The following ZNF670 variants were observed in gnomAD, a reference collection of about 807,000 sequenced individuals.
The protein encoded by ZNF670 is zinc finger protein 670.
A neutral mutation model predicts 10.9 loss-of-function variants in ZNF670; 7 were observed. The ratio of observed to expected loss-of-function variants is 0.64; its 90% CI spans 0.36 to 1.20. The LOEUF (loss-of-function observed/expected upper bound fraction) is 1.20. Ranked by LOEUF, ZNF670 falls within the 50% of genes most tolerant of loss-of-function variation. The pLI is 0.02. For missense variants in ZNF670, 446 were observed against 458.6 expected, an observed-to-expected ratio of 0.97 and a Z score of 0.25; for synonymous variants, 136 against 152.7, an observed-to-expected ratio of 0.89 and a Z score of 0.81.
At chr1:247,055,551 A>G (rs1270960551) in intron 1 of ZNF670, among the ~76,000 whole-genome samples, 1 of 152,136 alleles carries the variant, frequency 6.6e-6, no homozygotes, top group African/African-American at 2.4e-5. Context: ...CCCTTTCTAT[A>G]CACGCTCCTT....
At position 247,035,736 on chromosome 1, in the gene ZNF670, C is replaced by A. The variant is rs566890667; in HGVS notation, c.*1713G>T. Among the ~76,000 whole-genome samples the A allele has an allele frequency of 3.9e-5, 6 of 152,192 alleles. No individual in the cohort carries two copies. The highest frequency in any genetic ancestry group is 1.3e-4 in the Admixed American group (2 of 15,278). ...ATACTATATGGTATACTAGGGCACACCAATTTGACTATAAATGCAAAAGGC... is the reference window on the plus strand; with the variant it reads ...ATACTATATGGTATACTAGGGCACAACAATTTGACTATAAATGCAAAAGGC... On this transcript the variant is annotated 3_prime_UTR_variant, in exon 4 of 4. Coordinates refer to ENST00000366503, the MANE Select transcript of ZNF670 (RefSeq NM_033213.5).
chr1:247,059,745 G>A (rs1321043899), intron 1 of ZNF670, among the ~76,000 whole-genome samples: 1 of 151,722 alleles, frequency 6.6e-6, no homozygotes, highest in Non-Finnish European at 1.5e-5. Flanking sequence ...TCGATAACAT[G>A]ACTGTCTATG....
At chr1:247,068,760 A>G (rs1671048941) in intron 1 of ZNF670, among the ~76,000 whole-genome samples, 1 of 149,294 alleles carries the variant, frequency 6.7e-6, no homozygotes, top group South Asian at 2.1e-4. Context: ...GAAGCAACCT[A>G]AGTGTCCATC....
chr1:247,048,643 T>C (rs1670515639), intron 1 of ZNF670, among the ~76,000 whole-genome samples: 1 of 152,214 alleles, frequency 6.6e-6, no homozygotes, highest in African/African-American at 2.4e-5. Flanking sequence ...TACCTGAGAC[T>C]GAGTAATTTG....
At chr1:247,053,780 A>G (rs1670654414) in intron 1 of ZNF670, among the ~76,000 whole-genome samples, 1 of 152,270 alleles carries the variant, frequency 6.6e-6, no homozygotes, top group South Asian at 2.1e-4. Context: ...ACAGGAGAGT[A>G]GAGGAAGATG....
Position 247,037,596 on chromosome 1 carries a change from T to G in ZNF670, c.1023A>C (p.Glu341Asp). 2 of 1,614,156 alleles carry G rather than the reference T, an allele frequency of 1.2e-6. No individual in the cohort carries two copies. Residue 341 changes from glutamate to aspartate, a missense_variant, in exon 4 of 4, where the codon GAA (glutamate) becomes GAC (aspartate). Physicochemically the swap from Glu to Asp is conservative, Grantham distance 45 (BLOSUM62 2). Coordinates refer to ENST00000366503, the MANE Select transcript of ZNF670 (RefSeq NM_033213.5). ...TGGAAGAAGTAAACGACTTACCACA[T>G]TCCTTACATCCATAAGGTTTCACTC... ...HTGVKPYGCKECGKSFTSSSA... is the reference protein window; with the variant it reads ...HTGVKPYGCKDCGKSFTSSSA...
intron 1 of ZNF670, among the ~76,000 whole-genome samples, chr1:247,050,275 C>T (rs959523800): frequency 6.6e-6 from 1 of 152,032 alleles, no homozygotes; most frequent in South Asian, 2.1e-4. Flanking sequence ...TTACATAATG[C>T]TCCTCTTTCT....
At chr1:247,075,004 G>C (rs938686766) in intron 1 of ZNF670, among the ~76,000 whole-genome samples, 1 of 152,186 alleles carries the variant, frequency 6.6e-6, no homozygotes, top group African/African-American at 2.4e-5. Flanking sequence ...CAGATTTCCA[G>C]AACTCTGTAG....
At chr1:247,077,678 T>C (rs1671284487) in intron 1 of ZNF670, among the ~76,000 whole-genome samples, 1 of 152,182 alleles carries the variant, frequency 6.6e-6, no homozygotes, top group Non-Finnish European at 1.5e-5. Context: ...CTTGATAATG[T>C]TGCATTTGAA....
At chr1:247,047,272 C>G (rs56040943) in intron 1 of ZNF670, among the ~76,000 whole-genome samples, 4,188 of 152,336 alleles carry the variant, frequency 0.027, 188 homozygotes, top group African/African-American at 0.093. Context: ...CCCTTCCACA[C>G]TGCCCTAGCA....
intron 1 of ZNF670, among the ~76,000 whole-genome samples, chr1:247,059,182 C>A (rs1670793806): frequency 6.6e-6 from 1 of 152,150 alleles, no homozygotes; most frequent in South Asian, 2.1e-4. Context: ...TGGCTCACAC[C>A]TGTAATCCCA....
chr1:247,075,978 C>G (rs1317744046), intron 1 of ZNF670, among the ~76,000 whole-genome samples: 1 of 152,280 alleles, frequency 6.6e-6, no homozygotes, highest in Non-Finnish European at 1.5e-5. Flanking sequence ...CCACCTCCTT[C>G]TTGTCTCTTT....
intron 1 of ZNF670, among the ~76,000 whole-genome samples, chr1:247,054,923 C>A (rs1396147642): frequency 1.3e-5 from 2 of 152,072 alleles, no homozygotes; most frequent in Non-Finnish European, 2.9e-5. Flanking sequence ...GAAAGTAAAT[C>A]ATACCAAGGG....
chr1:247,047,184 G>A (rs1448546368), intron 1 of ZNF670, among the ~76,000 whole-genome samples: 1 of 152,234 alleles, frequency 6.6e-6, no homozygotes, highest in Non-Finnish European at 1.5e-5. Context: ...GGGTCTGCAG[G>A]ATGGTGGCTC....
intron 1 of ZNF670, among the ~76,000 whole-genome samples, chr1:247,077,502 CT>C (rs993687841): frequency 6.6e-5 from 10 of 151,550 alleles, no homozygotes; most frequent in South Asian, 2.1e-4. Flanking sequence ...TGCACAAAGA[CT>C]TTTTTTTTCT....
At chr1:247,058,460 G>T (rs1197915472) in intron 1 of ZNF670, among the ~76,000 whole-genome samples, 1 of 152,032 alleles carries the variant, frequency 6.6e-6, no homozygotes, top group Non-Finnish European at 1.5e-5. Flanking sequence ...TCCATTTTAA[G>T]AAACTAGAAA....
intron 1 of ZNF670, among the ~76,000 whole-genome samples, chr1:247,067,269 C>G (rs184331755): frequency 6.6e-6 from 1 of 151,710 alleles, no homozygotes; most frequent in East Asian, 2.0e-4. Context: ...AACCCCATCT[C>G]TACTAAAAAT....
At chr1:247,076,507 C>T (rs1418431110) in intron 1 of ZNF670, among the ~76,000 whole-genome samples, 5 of 152,070 alleles carry the variant, frequency 3.3e-5, no homozygotes, top group African/African-American at 4.8e-5. Context: ...CCGCCCGCCT[C>T]GGCCTCCCAA....
intron 1 of ZNF670, among the ~76,000 whole-genome samples, chr1:247,061,515 T>G (rs537122277): frequency 5.3e-5 from 8 of 152,114 alleles, no homozygotes; most frequent in African/African-American, 1.9e-4. Context: ...TCTAATAAAT[T>G]ATATAAAATA....
Sources: gnomAD v4.1 joint callset for allele counts (sites outside exome capture counted in the v4.1 genomes callset) on GRCh38, gnomAD v4.1.1 for gene constraint, MANE v1.5 for transcripts, NCBI Gene and HGNC (gene_info 2026-07-23, HGNC 2026-07-21) for gene names.